The following LDB2 variants were observed in gnomAD, a reference collection of about 807,000 sequenced individuals.
LDB2 encodes LIM domain-binding protein 2.
A neutral mutation model predicts 44.3 loss-of-function variants in LDB2; 12 were observed. That is an observed-to-expected ratio of 0.27 (90% confidence interval 0.17 to 0.44). LDB2 has a LOEUF of 0.44. Ranked by LOEUF, LDB2 falls within the 20% of genes least tolerant of loss-of-function variation. The probability of loss-of-function intolerance (pLI) is 1.00; values close to 1 mark genes in which losing one functional copy is unlikely to be tolerated. For synonymous variants in LDB2, 164 were observed against 174.8 expected (o/e 0.94, Z 0.49); for missense variants, 344 against 473.5 (o/e 0.73, Z 2.54).
intron 2 of LDB2, among the ~76,000 whole-genome samples, chr4:16,741,147 G>T (rs1172655126): frequency 6.6e-6 from 1 of 152,214 alleles, no homozygotes; most frequent in Non-Finnish European, 1.5e-5. Flanking sequence ...GGGATGGTGA[G>T]CTCTGCCTGT....
At chr4:16,596,530 C>G (rs1720966038) in intron 2 of LDB2, among the ~76,000 whole-genome samples, 1 of 152,152 alleles carries the variant, frequency 6.6e-6, no homozygotes, top group South Asian at 2.1e-4. Flanking sequence ...AATAACTGCT[C>G]TTCCCAACAC....
At chr4:16,557,848 G>A (rs1228675586) in intron 5 of LDB2, among the ~76,000 whole-genome samples, 11 of 152,154 alleles carry the variant, frequency 7.2e-5, no homozygotes, top group African/African-American at 1.4e-4. Flanking sequence ...TCACACGGCC[G>A]GGTACTCCTC....
At chr4:16,504,937 G>C (rs1325933396) in intron 7 of LDB2, among the ~76,000 whole-genome samples, 4 of 152,196 alleles carry the variant, frequency 2.6e-5, no homozygotes, top group Admixed American at 1.3e-4. Flanking sequence ...CACAGGGCAG[G>C]AGAAGGATGT....
At chr4:16,601,464 G>A (rs991228605) in intron 2 of LDB2, among the ~76,000 whole-genome samples, 2 of 152,028 alleles carry the variant, frequency 1.3e-5, no homozygotes, top group African/African-American at 4.8e-5. Context: ...TGGAGTAAGA[G>A]GAAAATTTGT....
chr4:16,559,030 C>T (rs1740957861), intron 5 of LDB2, among the ~76,000 whole-genome samples: 1 of 152,106 alleles, frequency 6.6e-6, no homozygotes, highest in Non-Finnish European at 1.5e-5. Flanking sequence ...ATTTTGTCAC[C>T]ACCAGGCCTG....
chr4:16,618,778 T>C (rs969014905), intron 2 of LDB2, among the ~76,000 whole-genome samples: 1 of 152,166 alleles, frequency 6.6e-6, no homozygotes, highest in Non-Finnish European at 1.5e-5. Flanking sequence ...CCAAATCTCA[T>C]GTTGAATTGT....
rs551891698 is a variant in LDB2, at chr4:16,512,223, G to T, written c.616-119C>A. 1.6e-5 allele frequency: 15 copies of T among 963,114 alleles called. No homozygotes were observed. The African/African-American group carries it at 1.6e-4, about 11-fold the overall frequency. The allele number at this position is 963,114 out of a possible 1,614,324, so 59.7% of individuals were successfully genotyped here. On this transcript the variant is annotated intron_variant, in intron 5 of 7. Coordinates refer to ENST00000304523, the MANE Select transcript of LDB2 (RefSeq NM_001290.5). ...AGAATACTTTTATTTTCCTGGTTTTGATTTTCTTTATATAAATGTGAGGAA... is the reference window on the plus strand; with the variant it reads ...AGAATACTTTTATTTTCCTGGTTTTTATTTTCTTTATATAAATGTGAGGAA...
intron 2 of LDB2, among the ~76,000 whole-genome samples, chr4:16,619,110 C>G (rs1209349924): frequency 1.3e-5 from 2 of 152,202 alleles, no homozygotes; most frequent in African/African-American, 4.8e-5. Context: ...ATTACCCAGT[C>G]TCAGGTAGTT....
At chr4:16,622,469 G>C (rs577778142) in intron 2 of LDB2, among the ~76,000 whole-genome samples, 73 of 152,254 alleles carry the variant, frequency 4.8e-4, no homozygotes, top group African/African-American at 1.6e-3. Context: ...CTTCATCCAA[G>C]GTCTCTTGAG....
intron 2 of LDB2, among the ~76,000 whole-genome samples, chr4:16,709,204 A>G (rs149254939): frequency 0.011 from 1,673 of 152,342 alleles, 30 homozygotes; most frequent in African/African-American, 0.037. Context: ...ATTAATGAGC[A>G]GTTTTAAGAT....
chr4:16,801,027 GT>G (rs1452047836), intron 1 of LDB2, among the ~76,000 whole-genome samples: 6 of 152,274 alleles, frequency 3.9e-5, no homozygotes, highest in South Asian at 2.1e-4. Context: ...ATGGGACACT[GT>G]CCCCATACTT....
chr4:16,628,897 C>T (rs765470033), intron 2 of LDB2, among the ~76,000 whole-genome samples: 7 of 152,222 alleles, frequency 4.6e-5, no homozygotes, highest in African/African-American at 9.6e-5. Context: ...TACACTTCTG[C>T]CCAAATACTG....
At chr4:16,535,882 T>G (rs1731658728) in intron 5 of LDB2, among the ~76,000 whole-genome samples, 1 of 152,184 alleles carries the variant, frequency 6.6e-6, no homozygotes, top group African/African-American at 2.4e-5. Flanking sequence ...GCAACAGAAC[T>G]GGGAGTTGAA....
intron 1 of LDB2, among the ~76,000 whole-genome samples, chr4:16,840,942 G>A (rs567331064): frequency 5.3e-4 from 80 of 152,102 alleles, no homozygotes; most frequent in Non-Finnish European, 8.4e-4. Context: ...AAGAATTGCC[G>A]CCAGTAACAT....
chr4:16,530,225 T>C (rs969545742), intron 5 of LDB2, among the ~76,000 whole-genome samples: 2 of 152,250 alleles, frequency 1.3e-5, no homozygotes, highest in African/African-American at 4.8e-5. Context: ...CTCGCACTGC[T>C]GCCTTGGTGT....
At chr4:16,886,915 C>T (rs1028968642) in intron 1 of LDB2, among the ~76,000 whole-genome samples, 2 of 151,552 alleles carry the variant, frequency 1.3e-5, no homozygotes, top group South Asian at 4.2e-4. Flanking sequence ...CACCTGTAGT[C>T]CCAGCTACTC....
At chr4:16,598,914 G>A (rs1439377016) in intron 2 of LDB2, among the ~76,000 whole-genome samples, 7 of 145,216 alleles carry the variant, frequency 4.8e-5, no homozygotes, top group South Asian at 2.2e-4. Context: ...AAGCTAGTTC[G>A]TGTTAGATTT....
chr4:16,552,687 A>G (rs772057498), intron 5 of LDB2, among the ~76,000 whole-genome samples: 3 of 152,230 alleles, frequency 2.0e-5, no homozygotes, highest in Non-Finnish European at 2.9e-5. Flanking sequence ...TCCAAGCAAT[A>G]GCTCCTTTCT....
intron 2 of LDB2, among the ~76,000 whole-genome samples, chr4:16,605,157 G>A (rs1723585433): frequency 6.6e-6 from 1 of 152,148 alleles, no homozygotes; most frequent in African/African-American, 2.4e-5. Flanking sequence ...GATGATCCCG[G>A]TTATGGTAAT....
Sources: allele counts gnomAD v4.1 joint callset (sites outside exome capture counted in the v4.1 genomes callset), GRCh38; gene constraint gnomAD v4.1.1; transcripts MANE v1.5; gene names NCBI Gene and HGNC (gene_info 2026-07-23, HGNC 2026-07-21).